Variants in OR2L13 observed in about 807,000 individuals in gnomAD.
OR2L13 encodes olfactory receptor 2L13.
A neutral mutation model predicts 15.3 loss-of-function variants in OR2L13; 14 were observed. The ratio of observed to expected loss-of-function variants is 0.91; its 90% CI spans 0.60 to 1.43. The LOEUF (loss-of-function observed/expected upper bound fraction) is 1.43, where lower values mean the gene tolerates loss of function less well. Ranked by LOEUF, OR2L13 falls within the 40% of genes most tolerant of loss-of-function variation. The probability of loss-of-function intolerance (pLI) is 0.00; values close to 1 mark genes in which losing one functional copy is unlikely to be tolerated. For synonymous variants in OR2L13, 152 were observed against 142.9 expected, an observed-to-expected ratio of 1.06 and a Z score of -0.45; for missense variants, 367 against 387.9, an observed-to-expected ratio of 0.95 and a Z score of 0.45.
chr1:248,057,638 A>G, the OR2L13 span, among the ~76,000 whole-genome samples: 7 of 152,226 alleles, frequency 4.6e-5, no homozygotes, highest in East Asian at 1.2e-3. Context: ...TATAGGATGC[A>G]TTTCCATTTA....
chr1:248,002,953 A>C, the OR2L13 span, among the ~76,000 whole-genome samples: 1 of 152,046 alleles, frequency 6.6e-6, no homozygotes, highest in African/African-American at 2.4e-5. Flanking sequence ...CCTCTGATAG[A>C]ATTCAGCTAT....
the OR2L13 span, among the ~76,000 whole-genome samples, chr1:248,031,023 G>T: frequency 6.6e-6 from 1 of 152,178 alleles, no homozygotes; most frequent in South Asian, 2.1e-4. Flanking sequence ...TTACAAAAAT[G>T]AAAGCAAGTA....
the OR2L13 span, among the ~76,000 whole-genome samples, chr1:247,982,027 G>C: frequency 1.3e-5 from 2 of 152,100 alleles, no homozygotes; most frequent in Non-Finnish European, 2.9e-5. Flanking sequence ...GTGTTAGCCA[G>C]GATGGTCTCA....
At chr1:247,995,995 C>G in the OR2L13 span, among the ~76,000 whole-genome samples, 1 of 152,306 alleles carries the variant, frequency 6.6e-6, no homozygotes, top group Non-Finnish European at 1.5e-5. Context: ...GCTTCTCCAC[C>G]AATCAGCAAT....
the OR2L13 span, among the ~76,000 whole-genome samples, chr1:248,048,919 C>G: frequency 7.2e-6 from 1 of 138,194 alleles, no homozygotes; most frequent in Non-Finnish European, 1.5e-5. Flanking sequence ...CCTTTTCTCT[C>G]TCTCTTTTTT....
chr1:248,037,266 G>A, the OR2L13 span, among the ~76,000 whole-genome samples: 1 of 152,144 alleles, frequency 6.6e-6, no homozygotes, highest in African/African-American at 2.4e-5. Flanking sequence ...GACAATTCAA[G>A]AAGGAAATAT....
the OR2L13 span, chr1:248,038,177 G>A: frequency 1.1e-6 from 1 of 897,972 alleles, no homozygotes; most frequent in Non-Finnish European, 1.8e-6. Flanking sequence ...TCCACTGGGA[G>A]TCTTGTAATG....
chr1:248,071,644 A>G, the OR2L13 span, among the ~76,000 whole-genome samples: 5,614 of 152,020 alleles, frequency 0.037, 353 homozygotes, highest in African/African-American at 0.13. Context: ...AGGCAGGACA[A>G]GGAAATAAAG....
chr1:248,090,367 GTTTCATGTACAGATTA>G (rs936543456), upstream of OR2L13, among the ~76,000 whole-genome samples: 8 of 147,560 alleles, frequency 5.4e-5, no homozygotes, highest in African/African-American at 2.0e-4. Flanking sequence ...GGTCACAGAG[GTTTCATGTACAGATTA>G]TTTTGTCATG....
chr1:248,012,787 CA>C, the OR2L13 span, among the ~76,000 whole-genome samples: 5,637 of 151,942 alleles, frequency 0.037, 305 homozygotes, highest in African/African-American at 0.13. Flanking sequence ...CATACAATAA[CA>C]ATGTATCAAT....
chr1:248,067,784 T>C, the OR2L13 span, among the ~76,000 whole-genome samples: 1 of 152,148 alleles, frequency 6.6e-6, no homozygotes, highest in Non-Finnish European at 1.5e-5. Context: ...ATCGGGCCAC[T>C]CCCACCCGAA....
the OR2L13 span, among the ~76,000 whole-genome samples, chr1:248,090,102 C>G: frequency 2.0e-5 from 3 of 152,160 alleles, no homozygotes; most frequent in East Asian, 5.8e-4. Flanking sequence ...GCTCACTTCT[C>G]CTTGCTTGCC....
At chr1:248,093,622 A>G (rs7525316), upstream of OR2L13, among the ~76,000 whole-genome samples, 13,693 of 152,216 alleles carry the variant, frequency 0.09, 668 homozygotes, top group East Asian at 0.16. Flanking sequence ...TGCATCCAGT[A>G]TTTATTGAGT....
chr1:247,959,242 C>A, the OR2L13 span, among the ~76,000 whole-genome samples: 1 of 151,942 alleles, frequency 6.6e-6, no homozygotes, highest in South Asian at 2.1e-4. Context: ...GTTGAAAATT[C>A]TTTTCTTTAA....
chr1:248,100,605 G>A (rs1664838473), exon 3 of OR2L13: 1 of 174,950 alleles, frequency 5.7e-6, no homozygotes, highest in Admixed American at 6.4e-5. Context: ...GTTTATTCTT[G>A]TATATTGACA....
At chr1:248,093,156 A>T (rs981711181), upstream of OR2L13, among the ~76,000 whole-genome samples, 6 of 152,006 alleles carry the variant, frequency 3.9e-5, no homozygotes, top group Non-Finnish European at 5.9e-5. Flanking sequence ...AGGTTTGTTT[A>T]TTTTTCCCAG....
the OR2L13 span, among the ~76,000 whole-genome samples, chr1:247,949,959 A>G: frequency 1.3e-5 from 2 of 152,166 alleles, no homozygotes; most frequent in Admixed American, 6.6e-5. Flanking sequence ...TATATATATA[A>G]TTCTAAGAAA....
chr1:247,956,887 CA>C, the OR2L13 span, among the ~76,000 whole-genome samples: 1 of 152,190 alleles, frequency 6.6e-6, no homozygotes, highest in Non-Finnish European at 1.5e-5. Context: ...ATGTCATCTG[CA>C]AACAGGGACA....
chr1:247,975,027 G>T, the OR2L13 span: 15 of 320,464 alleles, frequency 4.7e-5, no homozygotes, highest in African/African-American at 2.5e-4. Flanking sequence ...TTCATTGGGT[G>T]TGGAATTCAG....
Sources: gnomAD v4.1 joint callset for allele counts (sites outside exome capture counted in the v4.1 genomes callset) on GRCh38, gnomAD v4.1.1 for gene constraint, MANE v1.5 for transcripts, NCBI Gene and HGNC (gene_info 2026-07-23, HGNC 2026-07-21) for gene names.